The following SCRN3 variants were observed in gnomAD, a reference collection of about 807,000 sequenced individuals.
SCRN3 encodes secernin 3.
In SCRN3, 39 loss-of-function variants were observed where a neutral mutation model predicts 43.1. That is an observed-to-expected ratio of 0.91 (90% CI 0.70 to 1.18). The LOEUF is 1.18. Ranked by LOEUF, SCRN3 falls within the 50% of genes most tolerant of loss-of-function variation. SCRN3 has a pLI of 0.00. For missense variants in SCRN3, 484 were observed against 498.0 expected (o/e 0.97, Z 0.27); for synonymous variants, 147 against 163.1 (o/e 0.90, Z 0.75).
intron 5 of SCRN3, among the ~76,000 whole-genome samples, chr2:174,421,536 A>G (rs926770479): frequency 2.0e-5 from 3 of 152,312 alleles, no homozygotes; most frequent in African/African-American, 4.8e-5. Context: ...GGTCCATTCT[A>G]GGGATACACA....
intron 5 of SCRN3, 92 bp downstream of exon 5, chr2:174,404,407 A>C (rs1685618247): frequency 1.3e-6 from 1 of 774,800 alleles, no homozygotes. Context: ...GGGGAATTAT[A>C]ATTAGTAAAA....
chr2:174,418,425 CA>C (rs1462092399), intron 5 of SCRN3, among the ~76,000 whole-genome samples: 1 of 152,130 alleles, frequency 6.6e-6, no homozygotes, highest in Non-Finnish European at 1.5e-5. Context: ...CATGTATATC[CA>C]AATTGAATCT....
At chr2:174,417,560 A>AT (rs1686158504) in intron 5 of SCRN3, among the ~76,000 whole-genome samples, 1 of 151,920 alleles carries the variant, frequency 6.6e-6, no homozygotes, top group African/African-American at 2.4e-5. Context: ...AGCCCAGCTA[A>AT]TTTTTTGTAT....
Position 174,422,967 on chromosome 2 carries a change from T to C in SCRN3, c.837T>C (p.Thr279=), listed in dbSNP as rs1255452772. The part of the protein sequence containing the change: ...GINMEGEFLT[T]ASMVSILPQD... ...ATATGGAGGGAGAATTCCTGACCACTGCAAGCATGGTTTCTATTTTACCTC... is the reference window on the plus strand; with the variant it reads ...ATATGGAGGGAGAATTCCTGACCACCGCAAGCATGGTTTCTATTTTACCTC... Residue 279 remains threonine, a synonymous_variant, in exon 6 of 8, where the codon ACT becomes ACC. Coordinates refer to ENST00000272732, the MANE Select transcript of SCRN3 (RefSeq NM_024583.5). 3 of 1,613,160 alleles carry C rather than the reference T, an allele frequency of 1.9e-6. No homozygotes were observed. The highest frequency in any genetic ancestry group is 2.5e-6 in the Non-Finnish European group (3 of 1,179,218).
chr2:174,415,140 C>T (rs575721728), intron 5 of SCRN3, among the ~76,000 whole-genome samples: 2 of 152,246 alleles, frequency 1.3e-5, no homozygotes, highest in South Asian at 2.1e-4. Flanking sequence ...AGCTTATGTA[C>T]ATTTGAAGGT....
In SCRN3 at chr2:174,424,605, T is replaced by C. The variant is rs1686418904; in HGVS notation, c.1048T>C (p.Tyr350His). 1 of 1,613,070 alleles carries C rather than the reference T, an allele frequency of 6.2e-7. No homozygotes were observed. Among genetic ancestry groups the C allele is most frequent in the East Asian group, 2.2e-5 (1 of 44,774 alleles). The change falls in exon 7 of 8, where the codon TAC becomes CAC. Residue 350 changes from tyrosine to histidine, a missense_variant. Tyr to His is a moderately conservative substitution (Grantham distance 83, BLOSUM62 2). Coordinates refer to ENST00000272732, the MANE Select transcript of SCRN3 (RefSeq NM_024583.5). ...HFKPDRRHPL[Y>H]QKHQQALEVV... The stretch of plus-strand genomic sequence containing the variant: ...TAAGCCTGACAGAAGACACCCACTC[T>C]ACCAAAAACATCAACAGGCATTGGA...
intron 5 of SCRN3, among the ~76,000 whole-genome samples, chr2:174,411,449 C>T (rs1450625422): frequency 6.6e-6 from 1 of 152,114 alleles, no homozygotes; most frequent in African/African-American, 2.4e-5. Flanking sequence ...CTCAAGTTCA[C>T]TTCTCTTTTC....
chr2:174,396,965 A>C, intron 1 of SCRN3: 1 of 533,984 alleles, frequency 1.9e-6, no homozygotes, highest in Non-Finnish European at 2.4e-6. Flanking sequence ...ATAGTGTCTT[A>C]TTTTTCTGAT....
At chr2:174,413,147 C>T (rs1208478144) in intron 5 of SCRN3, among the ~76,000 whole-genome samples, 1 of 152,018 alleles carries the variant, frequency 6.6e-6, no homozygotes, top group Admixed American at 6.6e-5. Context: ...GCTGGGATTA[C>T]GGGCATGAGC....
intron 5 of SCRN3, among the ~76,000 whole-genome samples, chr2:174,416,903 G>A (rs1367250476): frequency 2.6e-5 from 4 of 152,070 alleles, no homozygotes; most frequent in East Asian, 3.8e-4. Flanking sequence ...AAAGGAAAAC[G>A]TTTGACAGAA....
Position 174,398,291 on chromosome 2 carries a change from C to A in SCRN3, c.8C>A (p.Pro3His). The change falls in exon 2 of 8, where the codon CCT becomes CAT. Residue 3 changes from proline to histidine, a missense_variant. Physicochemically the swap from Pro to His is moderately conservative, Grantham distance 77. Transcript: ENST00000272732. ...AATTTTTAGTTAAAAAAAATGGAAC[C>A]TTTTTCCTGTGACACTTTCGTGGCA... ME[P>H]FSCDTFVALP... The A allele has an allele frequency of 6.4e-7, 1 of 1,565,976 alleles. No individual in the cohort carries two copies.
chr2:174,404,606 C>T (rs1236709207), intron 5 of SCRN3, among the ~76,000 whole-genome samples: 2 of 109,970 alleles, frequency 1.8e-5, no homozygotes, highest in Non-Finnish European at 3.6e-5. Context: ...TCCCTCCCCC[C>T]TCCCCCCACC....
rs2105639399 is a variant in SCRN3 at position 174,427,838 on chromosome 2, T to C, written c.1218T>C (p.Cys406=). Residue 406 remains cysteine, a synonymous_variant, in exon 8 of 8, where the codon TGT becomes TGC. Transcript: ENST00000272732. ...AAATTGTTAATCTCTTTCCTCAGTG[T>C]ACAAAAGATGAAATTCAAATTTATC... ...VEKIVNLFPQ[C]TKDEIQIYQS... 6.2e-7 allele frequency: 1 copy of C among 1,605,936 alleles called. No homozygotes were observed. The highest frequency in any genetic ancestry group is 8.5e-7 in the Non-Finnish European group (1 of 1,173,684).
At chr2:174,405,550 G>T (rs1485283753) in intron 5 of SCRN3, among the ~76,000 whole-genome samples, 1 of 136,370 alleles carries the variant, frequency 7.3e-6, no homozygotes, top group African/African-American at 2.5e-5. Flanking sequence ...TGTCCTGAAT[G>T]GTAATGCCTA....
intron 5 of SCRN3, among the ~76,000 whole-genome samples, chr2:174,409,322 G>A (rs185320082): frequency 0.16 from 23,224 of 142,724 alleles, 2,952 homozygotes; most frequent in Non-Finnish European, 0.24. Flanking sequence ...GCTCCTTTAC[G>A]CACTTCTCTG....
chr2:174,414,388 AT>A (rs1312181866), intron 5 of SCRN3, among the ~76,000 whole-genome samples: 1 of 152,158 alleles, frequency 6.6e-6, no homozygotes, highest in Non-Finnish European at 1.5e-5. Flanking sequence ...TCCAGAGATG[AT>A]ATATGCTTAA....
At chr2:174,395,973 C>G (rs1685291513) in intron 1 of SCRN3, 156 bp downstream of exon 1, 3 of 1,383,152 alleles carry the variant, frequency 2.2e-6, no homozygotes, top group Non-Finnish European at 9.3e-7. Context: ...TGGACCGCGG[C>G]GGCCCTTCGA....
At chr2:174,414,744 G>C (rs1486335922) in intron 5 of SCRN3, among the ~76,000 whole-genome samples, 5 of 149,282 alleles carry the variant, frequency 3.3e-5, no homozygotes, top group Non-Finnish European at 7.4e-5. Context: ...TCATATCCAT[G>C]ACTATTTTCT....
At chr2:174,419,328 T>G (rs181237069) in intron 5 of SCRN3, among the ~76,000 whole-genome samples, 1 of 152,342 alleles carries the variant, frequency 6.6e-6, no homozygotes, top group East Asian at 1.9e-4. Flanking sequence ...ATACAATAAT[T>G]AAACATTTCC....
Sources: gnomAD v4.1 joint callset for allele counts (sites outside exome capture counted in the v4.1 genomes callset) on GRCh38, gnomAD v4.1.1 for gene constraint, MANE v1.5 for transcripts, NCBI Gene and HGNC (gene_info 2026-07-23, HGNC 2026-07-21) for gene names.